The following CDH20 variants were observed in gnomAD, a reference collection of about 807,000 sequenced individuals.
The protein encoded by CDH20 is cadherin 20.
A neutral mutation model predicts 74.2 loss-of-function variants in CDH20; 29 were observed. That is an observed-to-expected ratio of 0.39 (90% CI 0.29 to 0.53). The LOEUF (loss-of-function observed/expected upper bound fraction) is 0.53. CDH20 is among the 20% of genes least tolerant of loss of function. CDH20 has a pLI of 0.69. For synonymous variants in CDH20, 469 were observed against 405.4 expected, an observed-to-expected ratio of 1.16 and a Z score of -1.88; for missense variants, 988 against 1,048.3, an observed-to-expected ratio of 0.94 and a Z score of 0.79.
At chr18:61,507,328 T>G in intron 5 of CDH20, 45 bp from the exon 6 acceptor site, 1 of 1,566,292 alleles carries the variant, frequency 6.4e-7, no homozygotes, top group Non-Finnish European at 8.7e-7. Context: ...GCATTTTTTA[T>G]AGTGACGGAT....
At chr18:61,385,877 C>A (rs1911580675) in intron 1 of CDH20, among the ~76,000 whole-genome samples, 1 of 150,508 alleles carries the variant, frequency 6.6e-6, no homozygotes, top group South Asian at 2.1e-4. Context: ...TTGCAGTAAG[C>A]CAAGATTGCA....
chr18:61,484,031 T>C (rs1400256212), intron 1 of CDH20, among the ~76,000 whole-genome samples: 1 of 152,220 alleles, frequency 6.6e-6, no homozygotes, highest in East Asian at 1.9e-4. Flanking sequence ...TTTTTATGGG[T>C]CAAGGAAAAC....
chr18:61,499,323 C>T lies in CDH20; in HGVS notation c.384C>T (p.Ala128=). The change falls in exon 3 of 12, where the codon GCC becomes GCT. Residue 128 remains alanine, a synonymous_variant. Coordinates refer to ENST00000262717, the MANE Select transcript of CDH20 (RefSeq NM_031891.4). ...AIQRLDREER[A]QYTLRAQALD... is the part of the protein sequence containing the mutation. ...AGAGGCTCGACCGAGAGGAAAGAGCCCAGTATACTCTAAGGGCTCAAGCCC... is the reference window on the plus strand; with the variant it reads ...AGAGGCTCGACCGAGAGGAAAGAGCTCAGTATACTCTAAGGGCTCAAGCCC... 6.2e-7 allele frequency: 1 copy of T among 1,613,972 alleles called. No homozygotes were observed. The highest frequency in any genetic ancestry group is 8.5e-7 in the Non-Finnish European group (1 of 1,179,960).
At chr18:61,474,548 G>T (rs1011403258) in intron 1 of CDH20, among the ~76,000 whole-genome samples, 20 of 152,074 alleles carry the variant, frequency 1.3e-4, no homozygotes, top group African/African-American at 4.8e-4. Context: ...CTGGTTCCTC[G>T]GGATTCTACT....
At chr18:61,388,343 C>A (rs1911669222) in intron 1 of CDH20, among the ~76,000 whole-genome samples, 1 of 152,100 alleles carries the variant, frequency 6.6e-6, no homozygotes. Context: ...TGTGGCAACC[C>A]CAATTGTCAA....
Position 61,503,058 on chromosome 18 carries a change from G to A in CDH20, c.767G>A (p.Gly256Glu). 1.2e-6 allele frequency: 2 copies of A among 1,613,812 alleles called. No individual in the cohort carries two copies. Among genetic ancestry groups the A allele is most frequent in the Non-Finnish European group, 1.7e-6 (2 of 1,179,854 alleles). Residue 256 changes from glycine to glutamate, a missense_variant, in exon 5 of 12, where the codon GGG becomes GAG. Physicochemically the swap from Gly to Glu is moderately conservative, Grantham distance 98. Around this residue, in one of 2 missense-constraint regions of CDH20, gnomAD observed 613 missense variants for 755.2 expected, o/e 0.81. Coordinates refer to ENST00000262717, the MANE Select transcript of CDH20 (RefSeq NM_031891.4). The part of the protein sequence containing the change: ...DMGGQLGGLA[G>E]TTTVNITLSD... ...GGAGGGCAGCTTGGAGGATTAGCTGGGACCACAACAGTCAACATCACCCTC... is the reference window on the plus strand; with the variant it reads ...GGAGGGCAGCTTGGAGGATTAGCTGAGACCACAACAGTCAACATCACCCTC...
intron 4 of CDH20, 81 bp from the exon 5 acceptor site, chr18:61,502,872 C>G: frequency 1.7e-6 from 2 of 1,178,990 alleles, no homozygotes; most frequent in Non-Finnish European, 2.4e-6. Context: ...AATGGTGCAC[C>G]AGGGAGACAC....
rs560926569 is a variant in CDH20, at chr18:61,446,386, G to A, written c.-152-44016G>A. Among the ~76,000 whole-genome samples, 230 of 152,096 alleles carry A rather than the reference G, an allele frequency of 1.5e-3. 1 individual carries two copies. Among genetic ancestry groups the A allele is most frequent in the African/African-American group, 5.1e-3 (212 of 41,506 alleles). Reference sequence around the variant, plus strand: ...TCTTTAACTGTTTCCTGTTCTCACCGCTCTCACTACCTTACTTGCTTCTGA... The same window carrying A: ...TCTTTAACTGTTTCCTGTTCTCACCACTCTCACTACCTTACTTGCTTCTGA... On this transcript the variant is annotated intron_variant, in intron 1 of 11. Coordinates refer to ENST00000262717, the MANE Select transcript of CDH20 (RefSeq NM_031891.4).
intron 6 of CDH20, among the ~76,000 whole-genome samples, chr18:61,511,087 A>G (rs1422456846): frequency 1.3e-5 from 2 of 148,330 alleles, no homozygotes; most frequent in Non-Finnish European, 3.0e-5. Context: ...CTTGGGCTCA[A>G]GCAATCCTTC....
intron 1 of CDH20, chr18:61,391,456 A>G (rs189657100): frequency 6.6e-5 from 10 of 152,150 alleles, no homozygotes; most frequent in Non-Finnish European, 1.3e-4. Flanking sequence ...ACATAATACA[A>G]TTTGCAGAGT....
At chr18:61,339,578 T>C (rs1909871068) in intron 1 of CDH20, among the ~76,000 whole-genome samples, 1 of 151,886 alleles carries the variant, frequency 6.6e-6, no homozygotes, top group South Asian at 2.1e-4. Context: ...AGACCAATCA[T>C]GACTAAATAA....
intron 6 of CDH20, among the ~76,000 whole-genome samples, chr18:61,521,274 C>T (rs1024421948): frequency 4.0e-5 from 6 of 151,228 alleles, no homozygotes; most frequent in African/African-American, 1.2e-4. Flanking sequence ...ATACAAACTA[C>T]CATCAGGGAA....
At chr18:61,461,312 C>A in intron 1 of CDH20, among the ~76,000 whole-genome samples, 1 of 144,660 alleles carries the variant, frequency 6.9e-6, no homozygotes. Flanking sequence ...AACAAAGTAC[C>A]ACAAGCTGGG....
At position 61,490,675 on chromosome 18, in the gene CDH20, G is replaced by A. The variant is rs1910927894; in HGVS notation, c.122G>A (p.Gly41Asp). ...TVLSDTPTPQ[G>D]ELEALLSDKP... ...CTCTCGGACACCCCAACACCACAAG[G>A]TGAATTAGAAGCACTCCTGTCAGAC... The change falls in exon 2 of 12, where the codon GGT becomes GAT. Residue 41 changes from glycine to aspartate, a missense_variant. Coordinates refer to ENST00000262717, the MANE Select transcript of CDH20 (RefSeq NM_031891.4). The A allele has an allele frequency of 1.2e-6, 2 of 1,613,978 alleles. No homozygotes were observed. The highest frequency in any genetic ancestry group is 1.3e-5 in the African/African-American group (1 of 74,922).
At chr18:61,422,870 T>A (rs967214595) in intron 1 of CDH20, among the ~76,000 whole-genome samples, 1 of 152,042 alleles carries the variant, frequency 6.6e-6, no homozygotes, top group Non-Finnish European at 1.5e-5. Flanking sequence ...TCATCTAACA[T>A]AAATTTTATG....
intron 1 of CDH20, among the ~76,000 whole-genome samples, chr18:61,411,213 G>A (rs1286459810): frequency 6.8e-6 from 1 of 146,210 alleles, no homozygotes; most frequent in Non-Finnish European, 1.5e-5. Context: ...AAAAAAAAAT[G>A]TATATGGCAA....
At chr18:61,498,806 G>T (rs533088750) in intron 2 of CDH20, among the ~76,000 whole-genome samples, 1 of 152,244 alleles carries the variant, frequency 6.6e-6, no homozygotes, top group Non-Finnish European at 1.5e-5. Context: ...ACACGTTTAG[G>T]CTTATCCATT....
At chr18:61,488,278 T>C (rs1910837958) in intron 1 of CDH20, among the ~76,000 whole-genome samples, 3 of 152,154 alleles carry the variant, frequency 2.0e-5, no homozygotes, top group Admixed American at 1.3e-4. Flanking sequence ...ACGGGACTTA[T>C]CACAGATGTA....
At chr18:61,405,017 A>C in intron 1 of CDH20, 1 of 701,956 alleles carries the variant, frequency 1.4e-6, no homozygotes, top group South Asian at 1.4e-5. Context: ...CCAACATTGC[A>C]TAGTACTCCA....
Sources: allele counts gnomAD v4.1 joint callset (sites outside exome capture counted in the v4.1 genomes callset), GRCh38; gene constraint gnomAD v4.1.1; regional missense constraint gnomAD v4.1.1; transcripts MANE v1.5; gene names NCBI Gene and HGNC (gene_info 2026-07-23, HGNC 2026-07-21).